Variants in NUP58 observed in about 807,000 individuals in gnomAD.
NUP58 encodes the protein nucleoporin 58.
Under a neutral mutation model 70.1 loss-of-function variants are expected in NUP58, and 17 were observed. The ratio of observed to expected loss-of-function variants is 0.24; its 90% CI spans 0.17 to 0.36. NUP58 has a LOEUF of 0.36. NUP58 is among the 10% of genes least tolerant of loss of function. The pLI is 1.00. For missense variants in NUP58, 644 were observed against 701.5 expected, an observed-to-expected ratio of 0.92 and a Z score of 0.93; for synonymous variants, 275 against 257.6, an observed-to-expected ratio of 1.07 and a Z score of -0.65.
chr13:25,309,842 A>G (rs76223956), intron 3 of NUP58: 2,204 of 196,020 alleles, frequency 0.011, 51 homozygotes, highest in African/African-American at 0.05. Flanking sequence ...CTTAAATTGA[A>G]TTTTAAGTTA....
chr13:25,320,943 A>G lies in NUP58; in HGVS notation c.801A>G (p.Gln267=), dbSNP rs770827050. Residue 267 remains glutamine (Q), a synonymous_variant, in exon 9 of 16, where the codon CAA becomes CAG. Transcript: ENST00000381736. ...GGAAATTTGTGAAGGAGCAGAAACA[A>G]GTTCAAGAAGAAATTAGTAGAATGT... ...NLQKFVKEQK[Q]VQEEISRMSS... 61 of 1,558,986 alleles carry G rather than the reference A, an allele frequency of 3.9e-5. 1 individual carries two copies. The East Asian group carries it at 1.4e-3, about 36-fold the overall frequency.
At chr13:25,319,063 C>T (rs191243454) in intron 6 of NUP58, among the ~76,000 whole-genome samples, 5 of 136,528 alleles carry the variant, frequency 3.7e-5, no homozygotes, top group African/African-American at 1.4e-4. Context: ...GAGTTCATGA[C>T]GAGGGTTGAG....
downstream of NUP58, among the ~76,000 whole-genome samples, chr13:25,346,118 A>G (rs1419534874): frequency 6.6e-6 from 1 of 152,168 alleles, no homozygotes; most frequent in African/African-American, 2.4e-5. Context: ...CACTGCTGGG[A>G]ATTTAGGAAT....
Position 25,315,353 on chromosome 13 carries a change from A to G in NUP58, c.575-4A>G. On this transcript the variant is annotated splice_polypyrimidine_tract_variant and splice_region_variant and intron_variant, in intron 5 of 15. Transcript: ENST00000381736. Reference sequence around the variant, plus strand: ...GGAATTTATAAGTTATGTTTTATTTATAGGACTTGGACAGAATGCTTTAGG... The same window carrying G: ...GGAATTTATAAGTTATGTTTTATTTGTAGGACTTGGACAGAATGCTTTAGG... The G allele has an allele frequency of 1.2e-6, 2 of 1,603,058 alleles. No homozygotes were observed. The highest frequency in any genetic ancestry group is 1.3e-5 in the African/African-American group (1 of 74,634).
At chr13:25,306,593 T>G (rs1443838849) in intron 1 of NUP58, among the ~76,000 whole-genome samples, 1 of 152,112 alleles carries the variant, frequency 6.6e-6, no homozygotes, top group Non-Finnish European at 1.5e-5. Context: ...CCCATGGTGA[T>G]TATTCTTTAT....
intron 1 of NUP58, 83 bp downstream of exon 1, chr13:25,301,963 C>CTCTTCCCTCTGGCTT (rs1593169109): frequency 2.3e-6 from 2 of 874,948 alleles, no homozygotes; most frequent in East Asian, 5.7e-5. Flanking sequence ...CCCATCCTGT[C>CTCTTCCCTCTGGCTT]TCTTCCCTCT....
At chr13:25,330,131 T>G (rs2031552700) in intron 12 of NUP58, among the ~76,000 whole-genome samples, 1 of 152,208 alleles carries the variant, frequency 6.6e-6, no homozygotes, top group Non-Finnish European at 1.5e-5. Context: ...GCCAGGCTGT[T>G]TCTTTTAACT....
intron 3 of NUP58, among the ~76,000 whole-genome samples, chr13:25,312,460 C>T (rs1391195476): frequency 6.6e-6 from 1 of 152,174 alleles, no homozygotes; most frequent in African/African-American, 2.4e-5. Context: ...CTCCCCCTCC[C>T]AGGTTCAAGT....
downstream of NUP58, among the ~76,000 whole-genome samples, chr13:25,345,371 A>G (rs1348520073): frequency 9.3e-6 from 1 of 107,380 alleles, no homozygotes; most frequent in African/African-American, 3.3e-5. Flanking sequence ...ATATGGGGGA[A>G]ACTACAAGTA....
At position 25,301,679 on chromosome 13, in the gene NUP58, C is replaced by G. The variant is rs1315265063; in HGVS notation, c.-95C>G. The G allele has an allele frequency of 6.5e-6, 4 of 616,884 alleles. No individual in the cohort carries two copies. Among genetic ancestry groups the G allele is most frequent in the Non-Finnish European group, 1.0e-5 (4 of 386,798 alleles). 38.2% of individuals were successfully genotyped at this position (616,884 alleles called of 1,614,324 possible). On this transcript the variant is annotated 5_prime_UTR_variant, in exon 1 of 16. Coordinates refer to ENST00000381736, the MANE Select transcript of NUP58 (RefSeq NM_014089.4). Reference sequence around the variant, plus strand: ...AAGTTCCCGCCAGGTCCGTGCCGGGCGAGAGAGATGCTGCCCGGCCCGCCT... The same window carrying G: ...AAGTTCCCGCCAGGTCCGTGCCGGGGGAGAGAGATGCTGCCCGGCCCGCCT...
At chr13:25,313,374 A>G (rs1414450654) in intron 4 of NUP58, among the ~76,000 whole-genome samples, 1 of 152,186 alleles carries the variant, frequency 6.6e-6, no homozygotes, top group Non-Finnish European at 1.5e-5. Flanking sequence ...CAATATTGCT[A>G]TCTAGAATCA....
chr13:25,327,843 C>G (rs2031455395), intron 12 of NUP58, among the ~76,000 whole-genome samples: 1 of 151,918 alleles, frequency 6.6e-6, no homozygotes, highest in Non-Finnish European at 1.5e-5. Context: ...ATTGTTTAAC[C>G]CATTTTCTGT....
chr13:25,317,874 T>TG (rs2031006302), intron 6 of NUP58: 1 of 148,616 alleles, frequency 6.7e-6, no homozygotes, highest in Admixed American at 6.7e-5. Flanking sequence ...TTTTTTTTTT[T>TG]TTTTTGGGAT....
intron 3 of NUP58, among the ~76,000 whole-genome samples, chr13:25,310,819 C>G (rs924815507): frequency 2.0e-5 from 3 of 152,132 alleles, no homozygotes; most frequent in African/African-American, 7.2e-5. Flanking sequence ...TCATACATTT[C>G]TTTATTTAAT....
At chr13:25,304,521 T>TATATATA (rs1491553153) in intron 1 of NUP58, among the ~76,000 whole-genome samples, 5 of 53,388 alleles carry the variant, frequency 9.4e-5, no homozygotes, top group African/African-American at 2.5e-4. Flanking sequence ...TATATATGTA[T>TATATATA]TTTTTTTTTT....
intron 13 of NUP58, chr13:25,333,656 A>G (rs1372354659): frequency 1.0e-6 from 1 of 985,196 alleles, no homozygotes; most frequent in African/African-American, 1.7e-5. Context: ...ATTTTTAGTC[A>G]TGTCACCATG....
In NUP58 at chr13:25,305,152, T is replaced by G. The variant is rs1236355464; in HGVS notation, c.108-2654T>G. On this transcript the variant is annotated intron_variant, in intron 1 of 15. Coordinates refer to ENST00000381736, the MANE Select transcript of NUP58 (RefSeq NM_014089.4). ...GGGGTTTTTTTTTTTTTTTTTTTTT[T>G]TTTTTTTTTGAGACAGGGCCTTGCC... 4.2e-3 allele frequency among the ~76,000 whole-genome samples: 562 copies of G among 134,596 alleles called. 19 individuals carry two copies. The highest frequency in any genetic ancestry group is 0.017 in the African/African-American group (541 of 30,922). The allele number at this position is 134,596 out of a possible 152,430, so 88.3% of individuals were successfully genotyped here.
intron 13 of NUP58, chr13:25,334,067 T>C (rs371460417): frequency 3.0e-6 from 3 of 985,310 alleles, no homozygotes. Context: ...AAAAGTATAC[T>C]AGGGCTTAGG....
chr13:25,331,469 C>A lies in NUP58; in HGVS notation c.1346C>A (p.Thr449Asn). Residue 449 changes from threonine (T) to asparagine (N), a missense_variant, in exon 13 of 16, where the codon ACT becomes AAT. Thr to Asn is a moderately conservative substitution (Grantham distance 65). Coordinates refer to ENST00000381736, the MANE Select transcript of NUP58 (RefSeq NM_014089.4). ...AKKWQNTPRV[T>N]TGPTPFSTMP... ...AAGTGGCAGAACACACCCAGAGTTA[C>A]TACTGGACCCACTCCTTTCAGCACC... is the stretch of plus-strand genomic sequence containing the variant. 8 of 1,614,190 alleles carry A rather than the reference C, an allele frequency of 5.0e-6. No homozygotes were observed. Among genetic ancestry groups the A allele is most frequent in the Non-Finnish European group, 6.8e-6 (8 of 1,180,030 alleles).
Sources: allele counts gnomAD v4.1 joint callset (sites outside exome capture counted in the v4.1 genomes callset), GRCh38; gene constraint gnomAD v4.1.1; transcripts MANE v1.5; gene names NCBI Gene and HGNC (gene_info 2026-07-23, HGNC 2026-07-21).